FHIT: variants seen among roughly 807,000 people sequenced by gnomAD.
The protein encoded by FHIT is bis(5'-adenosyl)-triphosphatase.
Under a neutral mutation model 17.9 loss-of-function variants are expected in FHIT, and 19 were observed. The ratio of observed to expected loss-of-function variants is 1.06; its 90% CI spans 0.74 to 1.56. The LOEUF (loss-of-function observed/expected upper bound fraction) is 1.56. Among genes scored for constraint, FHIT ranks in the 40% most tolerant of loss-of-function variants. The pLI is 0.00. For missense variants in FHIT, 248 were observed against 189.2 expected (o/e 1.31, Z -1.82); for synonymous variants, 81 against 69.7 (o/e 1.16, Z -0.81).
chr3:59,855,858 G>A (rs911787972), intron 8 of FHIT, among the ~76,000 whole-genome samples: 2 of 150,234 alleles, frequency 1.3e-5, no homozygotes, highest in African/African-American at 4.9e-5. Flanking sequence ...TTGGCTCACT[G>A]CAAGCTCTGC....
In FHIT at chr3:60,420,583, C is replaced by T. The variant is rs542670151; in HGVS notation, c.103+116277G>A. On this transcript the variant is annotated intron_variant, in intron 5 of 9. Coordinates refer to ENST00000492590, the MANE Select transcript of FHIT (RefSeq NM_002012.4). Reference sequence around the variant, plus strand: ...ATATTATTAAGTTGTGCCTACATCCCAGGGGAAAAAAATCTATCTTATTTT... The same window carrying T: ...ATATTATTAAGTTGTGCCTACATCCTAGGGGAAAAAAATCTATCTTATTTT... Among the ~76,000 whole-genome samples, 12 of 152,172 alleles carry T rather than the reference C, an allele frequency of 7.9e-5. No individual in the cohort carries two copies. In the East Asian group the frequency reaches 2.3e-3, roughly 29 times the overall value.
At chr3:60,170,552 C>T (rs1372650891) in intron 5 of FHIT, among the ~76,000 whole-genome samples, 1 of 152,032 alleles carries the variant, frequency 6.6e-6, no homozygotes. Context: ...GCACTTAGGA[C>T]AAGAGATGAT....
rs1706726827 is a variant in FHIT, at chr3:60,268,968, G to A, written c.104-254816C>T. Among the ~76,000 whole-genome samples, 3 of 152,090 alleles carry A rather than the reference G, an allele frequency of 2.0e-5. No individual in the cohort carries two copies. In the South Asian group the frequency reaches 6.2e-4, roughly 32 times the overall value. On this transcript the variant is annotated intron_variant, in intron 5 of 9. Transcript: ENST00000492590. The stretch of plus-strand genomic sequence containing the variant: ...GCCCTTTCTGGCTTTAAAGATAGAG[G>A]AAGGGGCCATGAGAAGCTGGAAAAG...
chr3:60,380,667 C>T (rs1444819528), intron 5 of FHIT, among the ~76,000 whole-genome samples: 1 of 152,158 alleles, frequency 6.6e-6, no homozygotes, highest in East Asian at 1.9e-4. Flanking sequence ...TTAGTTGTCT[C>T]ACTGCATGAG....
chr3:61,107,727 A>G (rs1382807457), intron 2 of FHIT, among the ~76,000 whole-genome samples: 2 of 152,260 alleles, frequency 1.3e-5, no homozygotes, highest in African/African-American at 4.8e-5. Context: ...TGAATCGGGC[A>G]GCCTTCTGAG....
At chr3:61,107,182 G>A (rs547981319) in intron 2 of FHIT, among the ~76,000 whole-genome samples, 26 of 152,170 alleles carry the variant, frequency 1.7e-4, no homozygotes, top group Non-Finnish European at 3.4e-4. Flanking sequence ...GCCTCTATGA[G>A]TTTGACTGTT....
At chr3:59,977,338 C>T (rs1407379112) in intron 7 of FHIT, among the ~76,000 whole-genome samples, 3 of 152,128 alleles carry the variant, frequency 2.0e-5, no homozygotes, top group African/African-American at 7.2e-5. Context: ...GCAAAGATGA[C>T]TACAATTTAT....
chr3:60,593,347 C>T (rs781832510), intron 4 of FHIT, among the ~76,000 whole-genome samples: 13 of 152,076 alleles, frequency 8.5e-5, no homozygotes, highest in African/African-American at 1.4e-4. Context: ...GCCCAGGTGA[C>T]CTGACACTTC....
At chr3:60,645,757 T>A (rs2107798507) in intron 4 of FHIT, among the ~76,000 whole-genome samples, 1 of 152,278 alleles carries the variant, frequency 6.6e-6, no homozygotes, top group Middle Eastern at 3.4e-3. Context: ...CATATTTTAC[T>A]ATACGGTTTC....
chr3:60,951,021 C>T (rs1288964972), intron 3 of FHIT, among the ~76,000 whole-genome samples: 3 of 152,178 alleles, frequency 2.0e-5, no homozygotes, highest in South Asian at 2.1e-4. Context: ...AGATTATCCT[C>T]TAAAGACTTG....
chr3:60,709,890 G>C (rs995627978), intron 4 of FHIT, among the ~76,000 whole-genome samples: 1 of 152,090 alleles, frequency 6.6e-6, no homozygotes, highest in Non-Finnish European at 1.5e-5. Flanking sequence ...AAATACTTGA[G>C]TTTGCATAAT....
chr3:60,844,734 A>C (rs1702863462), intron 3 of FHIT, among the ~76,000 whole-genome samples: 2 of 152,144 alleles, frequency 1.3e-5, no homozygotes, highest in African/African-American at 4.8e-5. Context: ...AATTTTTCTG[A>C]ATCCCTTTCA....
At chr3:60,344,280 T>C (rs1337380354) in intron 5 of FHIT, among the ~76,000 whole-genome samples, 18 of 152,316 alleles carry the variant, frequency 1.2e-4, no homozygotes, top group Admixed American at 1.0e-3. Context: ...ATTGCTGTTT[T>C]TGTTTGATGA....
At chr3:60,404,569 T>C (rs1173712208) in intron 5 of FHIT, among the ~76,000 whole-genome samples, 1 of 152,142 alleles carries the variant, frequency 6.6e-6, no homozygotes, top group African/African-American at 2.4e-5. Flanking sequence ...AGCTCTTTGA[T>C]CCTCTCTCCA....
At chr3:60,554,630 G>A (rs552779076) in intron 4 of FHIT, among the ~76,000 whole-genome samples, 1 of 152,218 alleles carries the variant, frequency 6.6e-6, no homozygotes, top group South Asian at 2.1e-4. Flanking sequence ...GCCAGTCAGA[G>A]GTTAAGAAAC....
At chr3:61,068,985 A>G (rs1265415893) in intron 2 of FHIT, among the ~76,000 whole-genome samples, 1 of 152,198 alleles carries the variant, frequency 6.6e-6, no homozygotes, top group Non-Finnish European at 1.5e-5. Context: ...CATTTATCAG[A>G]TATATTCAGT....
At chr3:61,138,386 CA>C (rs2036978059) in intron 2 of FHIT, among the ~76,000 whole-genome samples, 1 of 152,184 alleles carries the variant, frequency 6.6e-6, no homozygotes, top group Non-Finnish European at 1.5e-5. Context: ...ACACCAGAAA[CA>C]AAAACCTGCT....
chr3:60,393,061 A>G (rs1051753344), intron 5 of FHIT, among the ~76,000 whole-genome samples: 4 of 152,148 alleles, frequency 2.6e-5, no homozygotes, highest in African/African-American at 9.7e-5. Context: ...ATGGAAAATC[A>G]TTAGATATCC....
rs6809898 is a variant in FHIT, at chr3:60,321,256, G to C, written c.103+215604C>G. Reference sequence around the variant, plus strand: ...GTACTCTGGGAGGCTGGGGCAGGCAGATCACTTGAGCTCAGGAGTTCAAGA... The same window carrying C: ...GTACTCTGGGAGGCTGGGGCAGGCACATCACTTGAGCTCAGGAGTTCAAGA... On this transcript the variant is annotated intron_variant, in intron 5 of 9. Coordinates refer to ENST00000492590, the MANE Select transcript of FHIT (RefSeq NM_002012.4). Among the ~76,000 whole-genome samples, 697 of 152,308 alleles carry C rather than the reference G, an allele frequency of 4.6e-3. 2 individuals are homozygous for C. Among genetic ancestry groups the C allele is most frequent in the African/African-American group, 0.016 (651 of 41,582 alleles).
Sources: gnomAD v4.1 joint callset for allele counts (sites outside exome capture counted in the v4.1 genomes callset) on GRCh38, gnomAD v4.1.1 for gene constraint, MANE v1.5 for transcripts, NCBI Gene and HGNC (gene_info 2026-07-23, HGNC 2026-07-21) for gene names.